The following RSRP1 variants were observed in gnomAD, a reference collection of about 807,000 sequenced individuals.
RSRP1 encodes the protein arginine and serine rich protein 1.
RSRP1 carries 37 observed loss-of-function variants against 33.0 expected under a neutral mutation model. That is an observed-to-expected ratio of 1.12 (90% CI 0.86 to 1.48). The LOEUF (loss-of-function observed/expected upper bound fraction) is 1.48. RSRP1 is among the 40% of genes most tolerant of loss of function. RSRP1 has a pLI of 0.00. For synonymous variants in RSRP1, 167 were observed against 158.7 expected, an observed-to-expected ratio of 1.05 and a Z score of -0.40; for missense variants, 402 against 385.3, an observed-to-expected ratio of 1.04 and a Z score of -0.36.
chr1:25,276,849 G>A lies in RSRP1; in HGVS notation c.-66-29820C>T, dbSNP rs1332774574. ...TGGGAGGCCAAAGCAGGCAGATCACGAGGTCTGGAGATGGAGACCATCCTG... is the reference window on the plus strand; with the variant it reads ...TGGGAGGCCAAAGCAGGCAGATCACAAGGTCTGGAGATGGAGACCATCCTG... On this transcript the variant is annotated intron_variant, in intron 1 of 1. Coordinates refer to the RSRP1 transcript ENST00000561867. 2.3e-5 allele frequency among the ~76,000 whole-genome samples: 3 copies of A among 132,486 alleles called. 1 individual carries two copies. The highest frequency in any genetic ancestry group is 7.7e-5 in the African/African-American group (3 of 38,800). The allele number at this position is 132,486 out of a possible 152,430, so 86.9% of individuals were successfully genotyped here.
chr1:25,295,628 T>C (rs1255047622), intron 1 of RSRP1, among the ~76,000 whole-genome samples: 1 of 104,486 alleles, frequency 9.6e-6, no homozygotes, highest in East Asian at 2.3e-4. Context: ...AGACGAGCGG[T>C]CAAGGAGCCG....
Position 25,247,021 on chromosome 1 carries a change from C to A in RSRP1, c.-58G>T. 6.9e-7 allele frequency: 1 copy of A among 1,448,134 alleles called. No individual in the cohort carries two copies. Among genetic ancestry groups the A allele is most frequent in the Non-Finnish European group, 9.2e-7 (1 of 1,084,094 alleles). The allele number at this position is 1,448,134 out of a possible 1,614,324, so 89.7% of individuals were successfully genotyped here. A position where few individuals can be genotyped will look rare whatever the true frequency, so the allele number is the denominator to read the frequency against. On this transcript the variant is annotated 5_prime_UTR_variant, in exon 2 of 5. Transcript: ENST00000243189. Reference sequence around the variant, plus strand: ...GGAAAGGATCCCGCAAGCCTCAACTCAGGACTTCCTAAAAAACCAAGAGAG... The same window carrying A: ...GGAAAGGATCCCGCAAGCCTCAACTAAGGACTTCCTAAAAAACCAAGAGAG...
intron 1 of RSRP1, among the ~76,000 whole-genome samples, chr1:25,258,728 C>CT (rs1189919013): frequency 5.3e-5 from 8 of 152,056 alleles, no homozygotes; most frequent in African/African-American, 4.8e-5. Flanking sequence ...ATACCAAATA[C>CT]TTTGAGTATT....
intron 1 of RSRP1, chr1:25,330,228 G>A (rs1326629504): frequency 7.5e-6 from 1 of 133,016 alleles, no homozygotes; most frequent in Non-Finnish European, 1.8e-5. Context: ...AAATGAATAA[G>A]CGGTTTTCTT....
Position 25,284,871 on chromosome 1 carries a change from T to G in RSRP1, c.-66-37842A>C. ...CCCTCTCTGTCTAGCACCAGTGCTG[T>G]GCAATATTTAGGACATCCTTATACT... On this transcript the variant is annotated intron_variant, in intron 1 of 1. Coordinates refer to the RSRP1 transcript ENST00000561867. 1.8e-6 allele frequency: 2 copies of G among 1,138,738 alleles called. 1 individual carries two copies. The highest frequency in any genetic ancestry group is 3.2e-5 in the African/African-American group (2 of 62,934). The allele number at this position is 1,138,738 out of a possible 1,614,324, so 70.5% of individuals were successfully genotyped here.
chr1:25,307,271 C>A (rs658452), intron 1 of RSRP1, among the ~76,000 whole-genome samples: 5,536 of 131,528 alleles, frequency 0.042, 1,508 homozygotes, highest in Non-Finnish European at 0.07. Flanking sequence ...GGTCTCACTG[C>A]GAGGTGGGAA....
intron 1 of RSRP1, among the ~76,000 whole-genome samples, chr1:25,321,273 C>T (rs1247928111): frequency 8.0e-6 from 1 of 124,664 alleles, no homozygotes; most frequent in Non-Finnish European, 1.9e-5. Flanking sequence ...GGCCCTTTTA[C>T]TCCATCTGGG....
rs1285410315 is a variant in RSRP1 at position 25,315,497 on chromosome 1, C to CT, written c.-67+22480dup. On this transcript the variant is annotated intron_variant, in intron 1 of 1. Transcript: ENST00000561867. ...TTTTTAATTTATTTTTCTTTTCTTT[C>CT]TTTCTTTTTTTTTTTTTGAGATGGA... Among the ~76,000 whole-genome samples, 74 of 120,916 alleles carry CT rather than the reference C, an allele frequency of 6.1e-4. 8 individuals carry two copies. Among genetic ancestry groups the CT allele is most frequent in the African/African-American group, 2.1e-3 (68 of 33,144 alleles). 79.3% of individuals were successfully genotyped at this position (120,916 alleles called of 152,430 possible). A position where few individuals can be genotyped will look rare whatever the true frequency, so the allele number is the denominator to read the frequency against.
At position 25,242,473 on chromosome 1, in the gene RSRP1, T is replaced by C. The variant is rs1430569843; in HGVS notation, c.*116A>G. On this transcript the variant is annotated 3_prime_UTR_variant, in exon 5 of 5. Coordinates refer to ENST00000243189, the MANE Select transcript of RSRP1 (RefSeq NM_020317.5). ...GTTAAGTATTTACATCTTTTTGTGT[T>C]GGTTTTTAAATGCACAAGTACCCCT... 9.3e-6 allele frequency: 6 copies of C among 646,708 alleles called. No homozygotes were observed. Among genetic ancestry groups the C allele is most frequent in the African/African-American group, 1.8e-5 (1 of 55,586 alleles). 40.1% of individuals were successfully genotyped at this position (646,708 alleles called of 1,614,324 possible). A position where few individuals can be genotyped will look rare whatever the true frequency, so the allele number is the denominator to read the frequency against.
In RSRP1 at chr1:25,267,590, A is replaced by G. The variant is rs960507981; in HGVS notation, c.-66-20561T>C. 2.5e-5 allele frequency: 3 copies of G among 117,672 alleles called. 1 individual carries two copies. The highest frequency in any genetic ancestry group is 8.6e-5 in the African/African-American group (3 of 34,738). The allele number at this position is 117,672 out of a possible 1,614,324, so 7.3% of individuals were successfully genotyped here. A position where few individuals can be genotyped will look rare whatever the true frequency, so the allele number is the denominator to read the frequency against. ...GCGGGGGGCGGGAACAGGCACGGAGAAAATAAACAAGACTAAAAAGTCCTG... is the reference window on the plus strand; with the variant it reads ...GCGGGGGGCGGGAACAGGCACGGAGGAAATAAACAAGACTAAAAAGTCCTG... On this transcript the variant is annotated intron_variant, in intron 1 of 1. Transcript: ENST00000561867.
chr1:25,303,637 T>C (rs1207379408), intron 1 of RSRP1, among the ~76,000 whole-genome samples: 1 of 130,314 alleles, frequency 7.7e-6, no homozygotes, highest in African/African-American at 2.6e-5. Flanking sequence ...GTTAAGATGC[T>C]CGGGAGCAGG....
At chr1:25,249,409 GCT>G (rs1261859799), upstream of RSRP1, among the ~76,000 whole-genome samples, 3 of 152,120 alleles carry the variant, frequency 2.0e-5, no homozygotes, top group African/African-American at 7.2e-5. Context: ...GTGATCTTGG[GCT>G]CACTGCAACC....
intron 1 of RSRP1, chr1:25,294,070 A>C (rs377321534): frequency 4.4e-6 from 3 of 687,216 alleles, no homozygotes. Context: ...CAATGGGCTT[A>C]TCTGTTATTT....
intron 1 of RSRP1, among the ~76,000 whole-genome samples, chr1:25,322,476 C>G (rs1571762108): frequency 7.5e-6 from 1 of 132,596 alleles, no homozygotes; most frequent in Non-Finnish European, 1.8e-5. Flanking sequence ...AGTTCGAGAC[C>G]AGCCTGGCCA....
intron 2 of RSRP1, chr1:25,245,926 CT>C (rs1355566775): frequency 1.3e-5 from 2 of 155,050 alleles, no homozygotes; most frequent in African/African-American, 4.9e-5. Context: ...AATTTTTGTA[CT>C]TTTACTAGAT....
rs1304897666 is a variant in RSRP1, at chr1:25,307,669, G to A, written c.-67+30309C>T. 1.2e-5 allele frequency: 16 copies of A among 1,293,736 alleles called. 3 individuals carry two copies. The highest frequency in any genetic ancestry group is 2.0e-4 in the Middle Eastern group (1 of 5,104). The allele number at this position is 1,293,736 out of a possible 1,614,324, so 80.1% of individuals were successfully genotyped here. ...AAGGTCACTCGGCTGGAACCTGGCT[G>A]TAAAAATGGCTGAAGCAGGTGATGA... On this transcript the variant is annotated intron_variant, in intron 1 of 1. Transcript: ENST00000561867.
intron 1 of RSRP1, among the ~76,000 whole-genome samples, chr1:25,263,837 G>A (rs377038105): frequency 2.0e-5 from 3 of 152,084 alleles, no homozygotes; most frequent in African/African-American, 7.3e-5. Context: ...AAGCAAGTTA[G>A]TTACTTCCTA....
In RSRP1 at chr1:25,290,679, T is replaced by C; in HGVS notation, c.-66-43650A>G. The C allele has an allele frequency of 2.2e-6, 3 of 1,378,600 alleles. 1 individual carries two copies. The highest frequency in any genetic ancestry group is 3.1e-6 in the Non-Finnish European group (3 of 978,452). 85.4% of individuals were successfully genotyped at this position (1,378,600 alleles called of 1,614,324 possible). ...ACCATGAGTGCTTTGTCGGTGCTGATCTCAGTGGATGCTGTCTTGGGGAAG... is the reference window on the plus strand; with the variant it reads ...ACCATGAGTGCTTTGTCGGTGCTGACCTCAGTGGATGCTGTCTTGGGGAAG... On this transcript the variant is annotated intron_variant, in intron 1 of 1. Coordinates refer to the RSRP1 transcript ENST00000561867.
chr1:25,275,085 T>C lies in RSRP1; in HGVS notation c.-66-28056A>G, dbSNP rs750818201. ...CAGGCAGATCACCTGAGGTCAGGAG[T>C]TCGAGACCAGCCTGGCCAACATGGT... On this transcript the variant is annotated intron_variant, in intron 1 of 1. Coordinates refer to the RSRP1 transcript ENST00000561867. Among the ~76,000 whole-genome samples, 5 of 130,872 alleles carry C rather than the reference T, an allele frequency of 3.8e-5. 1 individual carries two copies. The highest frequency in any genetic ancestry group is 9.0e-5 in the Non-Finnish European group (5 of 55,260). The allele number at this position is 130,872 out of a possible 152,430, so 85.9% of individuals were successfully genotyped here. A position where few individuals can be genotyped will look rare whatever the true frequency, so the allele number is the denominator to read the frequency against.
Sources: allele counts gnomAD v4.1 joint callset (sites outside exome capture counted in the v4.1 genomes callset), GRCh38; gene constraint gnomAD v4.1.1; transcripts MANE v1.5; gene names NCBI Gene and HGNC (gene_info 2026-07-23, HGNC 2026-07-21).